CAST: variants seen among roughly 807,000 people sequenced by gnomAD.
CAST encodes the protein MIR583 host.
Under a neutral mutation model 119.6 loss-of-function variants are expected in CAST, and 76 were observed. The observed-to-expected ratio is 0.64, with a 90% CI of 0.53 to 0.77. The LOEUF (loss-of-function observed/expected upper bound fraction) is 0.77. Among genes scored for constraint, CAST ranks in the 30% least tolerant of loss-of-function variants. CAST has a pLI of 0.00. For missense variants in CAST, 953 were observed against 946.5 expected (o/e 1.01, Z -0.09); for synonymous variants, 319 against 331.6 (o/e 0.96, Z 0.41).
chr5:96,484,000 T>G, the CAST span, among the ~76,000 whole-genome samples: 1 of 152,164 alleles, frequency 6.6e-6, no homozygotes, highest in African/African-American at 2.4e-5. Flanking sequence ...GATTCAAGCC[T>G]TACTAGCAAT....
chr5:96,147,757 C>G, the CAST span, among the ~76,000 whole-genome samples: 1 of 152,236 alleles, frequency 6.6e-6, no homozygotes, highest in African/African-American at 2.4e-5. Context: ...TTGCCAACCA[C>G]ACAATTCTTT....
the CAST span, among the ~76,000 whole-genome samples, chr5:96,471,940 G>C: frequency 6.6e-6 from 1 of 152,010 alleles, no homozygotes; most frequent in Non-Finnish European, 1.5e-5. Flanking sequence ...TATTATTTTA[G>C]AGTTATGTAC....
At chr5:96,300,038 T>C in the CAST span, among the ~76,000 whole-genome samples, 1 of 152,192 alleles carries the variant, frequency 6.6e-6, no homozygotes, top group South Asian at 2.1e-4. Context: ...CTTGCAAATA[T>C]TTTCTCTCAA....
the CAST span, among the ~76,000 whole-genome samples, chr5:95,977,045 G>A: frequency 6.6e-6 from 1 of 152,080 alleles, no homozygotes; most frequent in Non-Finnish European, 1.5e-5. Flanking sequence ...GTCTTTGTGG[G>A]TATTTTTTAA....
the CAST span, among the ~76,000 whole-genome samples, chr5:96,447,471 T>C: frequency 6.6e-6 from 1 of 152,132 alleles, no homozygotes; most frequent in African/African-American, 2.4e-5. Flanking sequence ...CTCATCCACA[T>C]ACACACCCAT....
the CAST span, among the ~76,000 whole-genome samples, chr5:96,102,441 T>A: frequency 6.6e-6 from 1 of 151,958 alleles, no homozygotes; most frequent in Non-Finnish European, 1.5e-5. Context: ...GAGTCTGGGG[T>A]CTTTATAGGC....
At chr5:96,039,244 T>C in the CAST span, among the ~76,000 whole-genome samples, 4 of 152,208 alleles carry the variant, frequency 2.6e-5, no homozygotes, top group African/African-American at 9.6e-5. Flanking sequence ...TGTAAACTTG[T>C]TTAAATTCTT....
At chr5:95,993,154 A>G in the CAST span, among the ~76,000 whole-genome samples, 5 of 152,186 alleles carry the variant, frequency 3.3e-5, no homozygotes, top group African/African-American at 1.2e-4. Flanking sequence ...AAAAGCACCA[A>G]GGTAATTTGG....
At chr5:96,058,646 C>T in the CAST span, among the ~76,000 whole-genome samples, 9 of 152,120 alleles carry the variant, frequency 5.9e-5, no homozygotes, top group South Asian at 2.1e-4. Context: ...CAATGGTTAA[C>T]GCTTTCACTG....
the CAST span, among the ~76,000 whole-genome samples, chr5:96,159,967 T>TA: frequency 4.3e-3 from 606 of 142,322 alleles, 3 homozygotes; most frequent in African/African-American, 0.014. Flanking sequence ...CTGTCTCTAC[T>TA]AAAAAAAAAA....
At chr5:96,747,283 T>G in intron 17 of CAST, 62 bp from the exon 18 acceptor site, 1 of 919,912 alleles carries the variant, frequency 1.1e-6, no homozygotes, top group Non-Finnish European at 1.8e-6. Context: ...GAAACAAACT[T>G]GATGGGACAT....
At chr5:96,623,139 C>T (rs1160625508) in intron 1 of CAST, among the ~76,000 whole-genome samples, 1 of 152,126 alleles carries the variant, frequency 6.6e-6, no homozygotes, top group Non-Finnish European at 1.5e-5. Flanking sequence ...GCTGGGATTA[C>T]AGGCATGAGC....
At chr5:96,761,038 A>C (rs541511900) in intron 24 of CAST, 26 of 152,254 alleles carry the variant, frequency 1.7e-4, no homozygotes, top group African/African-American at 6.0e-4. Context: ...CAAAGCATAG[A>C]TCAATGAAAA....
intron 1 of CAST, among the ~76,000 whole-genome samples, chr5:96,590,516 C>T (rs572028950): frequency 1.3e-5 from 2 of 152,302 alleles, no homozygotes; most frequent in Admixed American, 6.5e-5. Flanking sequence ...GGCCTTGTCC[C>T]TTAACCCCAG....
the CAST span, among the ~76,000 whole-genome samples, chr5:96,198,589 C>T: frequency 1.3e-5 from 2 of 152,130 alleles, no homozygotes; most frequent in African/African-American, 4.8e-5. Context: ...TCACAGCAGG[C>T]TCCAGGAGAT....
chr5:96,103,578 A>G, the CAST span, among the ~76,000 whole-genome samples: 1 of 150,138 alleles, frequency 6.7e-6, no homozygotes, highest in African/African-American at 2.4e-5. Flanking sequence ...TATGTGCCAC[A>G]TTTTCTTAAT....
the CAST span, among the ~76,000 whole-genome samples, chr5:96,405,169 A>C: frequency 6.6e-6 from 1 of 152,230 alleles, no homozygotes; most frequent in African/African-American, 2.4e-5. Context: ...GTAAGGATAT[A>C]AATGTTAAGA....
At chr5:96,284,607 G>A in the CAST span, among the ~76,000 whole-genome samples, 13 of 152,108 alleles carry the variant, frequency 8.5e-5, no homozygotes, top group African/African-American at 1.2e-4. Flanking sequence ...TCCTTATTGT[G>A]AGTGGACAAA....
chr5:96,229,815 A>G, the CAST span, among the ~76,000 whole-genome samples: 5 of 152,174 alleles, frequency 3.3e-5, no homozygotes, highest in Non-Finnish European at 4.4e-5. Flanking sequence ...CAAAATCCCT[A>G]TGATCATAGT....
Sources: allele counts gnomAD v4.1 joint callset (sites outside exome capture counted in the v4.1 genomes callset), GRCh38; gene constraint gnomAD v4.1.1; transcripts MANE v1.5; gene names NCBI Gene and HGNC (gene_info 2026-07-23, HGNC 2026-07-21).